Variants in ITPR3 observed in about 807,000 individuals in gnomAD.
ITPR3 encodes the protein inositol 1,4,5-trisphosphate-gated calcium channel ITPR3.
ITPR3 carries 173 observed loss-of-function variants against 293.2 expected under a neutral mutation model. That is an observed-to-expected ratio of 0.59 (90% CI 0.52 to 0.67). The LOEUF (loss-of-function observed/expected upper bound fraction) is 0.67, where lower values mean the gene tolerates loss of function less well. Ranked by LOEUF, ITPR3 falls within the 30% of genes least tolerant of loss-of-function variation. The pLI is 0.00. For synonymous variants in ITPR3, 1,295 were observed against 1,444.4 expected (o/e 0.90, Z 2.35); for missense variants, 2,796 against 3,592.1 (o/e 0.78, Z 5.66).
At position 33,624,216 on chromosome 6, in the gene ITPR3, A is replaced by T. The variant is rs1372054809; in HGVS notation, c.89+2525A>T. 6.6e-6 allele frequency among the ~76,000 whole-genome samples: 1 copy of T among 152,174 alleles called. No homozygotes were observed. Among genetic ancestry groups the T allele is most frequent in the Non-Finnish European group, 1.5e-5 (1 of 68,030 alleles). On this transcript the variant is annotated intron_variant, in intron 1 of 57. Coordinates refer to ENST00000605930, the MANE Select transcript of ITPR3 (RefSeq NM_002224.4). This position sits in a 1 kb window ranked among gnomAD's most constrained non-coding sequence, Gnocchi z 4.7. ...TACAAACCACTCTCTGGTGTTCCTC[A>T]CATTGGAGGCTTCCCTGTAGGCCCA...
intron 1 of ITPR3, among the ~76,000 whole-genome samples, chr6:33,631,056 C>T (rs1032242026): frequency 6.6e-6 from 1 of 152,210 alleles, no homozygotes; most frequent in African/African-American, 2.4e-5. Flanking sequence ...GCCCCCCAGG[C>T]TTCCCACCCA....
At chr6:33,686,902 G>A in intron 43 of ITPR3, 107 bp from the exon 44 acceptor site, 1 of 896,216 alleles carries the variant, frequency 1.1e-6, no homozygotes, top group Non-Finnish European at 1.8e-6. Context: ...CATGGCACCT[G>A]ACCTTTTGTT....
rs1765394279 is a variant in ITPR3 at position 33,691,658 on chromosome 6, C to T, written c.7269C>T (p.Asp2423=). 3 of 1,613,874 alleles carry T rather than the reference C, an allele frequency of 1.9e-6. No individual in the cohort carries two copies. The highest frequency in any genetic ancestry group is 3.3e-5 in the Admixed American group (2 of 59,990). ...GMPHGAAAFV[D]TCSGDKMDCV... Reference sequence around the variant, plus strand: ...CACATGGAGCTGCTGCATTTGTGGACACCTGCAGTGGGGACAAGATGGACT... The same window carrying T: ...CACATGGAGCTGCTGCATTTGTGGATACCTGCAGTGGGGACAAGATGGACT... Residue 2423 remains aspartate, a synonymous_variant, in exon 53 of 58, where the codon GAC becomes GAT. Transcript: ENST00000605930. This position sits in a 1 kb window ranked among gnomAD's most constrained non-coding sequence, Gnocchi z 4.9.
In ITPR3 at chr6:33,675,622, C is replaced by T. The variant is rs1764883845; in HGVS notation, c.3117-69C>T. On this transcript the variant is annotated intron_variant, in intron 24 of 57. Coordinates refer to ENST00000605930, the MANE Select transcript of ITPR3 (RefSeq NM_002224.4). The surrounding 1 kb of genome is among the most constrained non-coding windows in gnomAD (Gnocchi z 5.0). The stretch of plus-strand genomic sequence containing the variant: ...CGGAGAGTGTGCTTGTGCCAGGGCC[C>T]CTTACCCACCACGGACAGCAGGGAG... 2 of 1,503,498 alleles carry T rather than the reference C, an allele frequency of 1.3e-6. No individual in the cohort carries two copies. Among genetic ancestry groups the T allele is most frequent in the African/African-American group, 2.8e-5 (2 of 71,672 alleles). The allele number at this position is 1,503,498 out of a possible 1,614,324, so 93.1% of individuals were successfully genotyped here.
intron 2 of ITPR3, among the ~76,000 whole-genome samples, chr6:33,641,813 T>C (rs1016018798): frequency 1.5e-4 from 23 of 152,170 alleles, no homozygotes; most frequent in Non-Finnish European, 3.1e-4. Flanking sequence ...GCAGCCCAGA[T>C]GCTCAGCAGC....
rs549685223 is a variant in ITPR3 at position 33,642,849 on chromosome 6, C to T, written c.160+2295C>T. Among the ~76,000 whole-genome samples, 11 of 152,310 alleles carry T rather than the reference C, an allele frequency of 7.2e-5. No individual in the cohort carries two copies. The East Asian group carries it at 2.1e-3, about 29-fold the overall frequency. ...ATCTCCTTCCCCCTCTTCTCTGCCC[C>T]AGCTCCTGGTTCCTTGATGTCTTGG... On this transcript the variant is annotated intron_variant, in intron 2 of 57. Transcript: ENST00000605930.
At position 33,695,774 on chromosome 6, in the gene ITPR3, C is replaced by T. The variant is rs1307256829; in HGVS notation, c.8010C>T (p.Ser2670=). 6.2e-7 allele frequency: 1 copy of T among 1,613,936 alleles called. No individual in the cohort carries two copies. The highest frequency in any genetic ancestry group is 1.7e-5 in the Admixed American group (1 of 60,012). Residue 2670 remains serine (S), a synonymous_variant, in exon 58 of 58, where the codon AGC becomes AGT. Coordinates refer to ENST00000605930, the MANE Select transcript of ITPR3 (RefSeq NM_002224.4). ...LGFVDVQNCI[S]R is the part of the protein sequence containing the mutation. ...TTGTGGATGTCCAGAACTGCATTAG[C>T]CGCTGAGGAGAGCCACCGAAGGCCC...
At chr6:33,653,407 G>A (rs933306389) in intron 2 of ITPR3, among the ~76,000 whole-genome samples, 1 of 151,710 alleles carries the variant, frequency 6.6e-6, no homozygotes, top group Non-Finnish European at 1.5e-5. Context: ...GAGCCACTGC[G>A]CCCAGCCCAC....
chr6:33,661,111 C>T (rs1262182588), intron 7 of ITPR3, among the ~76,000 whole-genome samples: 2 of 152,234 alleles, frequency 1.3e-5, no homozygotes, highest in Non-Finnish European at 2.9e-5. Flanking sequence ...CTGCCCTGCG[C>T]TACTGGGGCA....
intron 7 of ITPR3, 44 bp downstream of exon 7, chr6:33,659,593 C>T: frequency 6.5e-7 from 1 of 1,537,622 alleles, no homozygotes; most frequent in Non-Finnish European, 9.0e-7. Flanking sequence ...GCCACCTAGC[C>T]CTCCCCACCA....
chr6:33,688,929 G>T, intron 49 of ITPR3, 148 bp downstream of exon 49: 1 of 1,135,576 alleles, frequency 8.8e-7, no homozygotes. Flanking sequence ...GTGGGCTCTC[G>T]CCCCATCATG....
Position 33,689,347 on chromosome 6 carries a change from C to T in ITPR3, c.6804C>T (p.Leu2268=), listed in dbSNP as rs1475851005. ...RYSIRPLIVA[L]ILRSIYYLGI... ...GCATCCGCCCCCTCATCGTGGCGCT[C>T]ATCCTGCGCTCCATCTACTATCTGG... Residue 2268 remains leucine (L), a synonymous_variant, in exon 50 of 58, where the codon CTC becomes CTT. Coordinates refer to ENST00000605930, the MANE Select transcript of ITPR3 (RefSeq NM_002224.4). The T allele has an allele frequency of 6.2e-7, 1 of 1,612,632 alleles. No individual in the cohort carries two copies. Among genetic ancestry groups the T allele is most frequent in the Admixed American group, 1.7e-5 (1 of 60,030 alleles).
chr6:33,689,321 A>G lies in ITPR3; in HGVS notation c.6778A>G (p.Ser2260Gly), dbSNP rs978832342. ...SIAALFTKRY[S>G]IRPLIVALIL... is the part of the protein sequence containing the mutation. The stretch of plus-strand genomic sequence containing the variant: ...CGCGGCCCTGTTCACCAAGCGCTAC[A>G]GCATCCGCCCCCTCATCGTGGCGCT... The change falls in exon 50 of 58, where the codon AGC becomes GGC. Residue 2260 changes from serine to glycine, a missense_variant. Ser to Gly is a moderately conservative substitution (Grantham distance 56). Coordinates refer to ENST00000605930, the MANE Select transcript of ITPR3 (RefSeq NM_002224.4). 2.5e-6 allele frequency: 4 copies of G among 1,612,890 alleles called. No individual in the cohort carries two copies. The highest frequency in any genetic ancestry group is 1.7e-5 in the Admixed American group (1 of 60,032).
chr6:33,685,654 T>G lies in ITPR3; in HGVS notation c.5494T>G (p.Ser1832Ala), dbSNP rs759538163. ...GGTCTCGCCCACAGGCCGCGTGGCCTCCTTCTCGATACCTGGCTCCTCATC... is the reference window on the plus strand; with the variant it reads ...GGTCTCGCCCACAGGCCGCGTGGCCGCCTTCTCGATACCTGGCTCCTCATC... The part of the protein sequence containing the change: ...VDPTTKGRVA[S>A]FSIPGSSSRY... Residue 1832 changes from serine to alanine, a missense_variant, in exon 41 of 58, where the codon TCC becomes GCC. Physicochemically the swap from Ser to Ala is moderately conservative, Grantham distance 99 (BLOSUM62 1). Transcript: ENST00000605930. The G allele has an allele frequency of 1.1e-5, 18 of 1,585,468 alleles. No homozygotes were observed. Among genetic ancestry groups the G allele is most frequent in the Non-Finnish European group, 1.3e-5 (15 of 1,162,560 alleles).
chr6:33,682,469 G>C lies in ITPR3; in HGVS notation c.4477-55G>C. 1 of 1,466,316 alleles carries C rather than the reference G, an allele frequency of 6.8e-7. No homozygotes were observed. Among genetic ancestry groups the C allele is most frequent in the Non-Finnish European group, 9.0e-7 (1 of 1,110,168 alleles). 90.8% of individuals were successfully genotyped at this position (1,466,316 alleles called of 1,614,324 possible). On this transcript the variant is annotated intron_variant, in intron 33 of 57. Transcript: ENST00000605930. This position sits in a 1 kb window ranked among gnomAD's most constrained non-coding sequence, Gnocchi z 5.4. ...ATTGGGCCCTGGTTCCTGGACCTGG[G>C]GTTGCCCAGGGTGGGGGCCTGGGCT...
chr6:33,642,628 C>G (rs1763976423), intron 2 of ITPR3, among the ~76,000 whole-genome samples: 1 of 152,088 alleles, frequency 6.6e-6, no homozygotes, highest in South Asian at 2.1e-4. Flanking sequence ...AACAAATGCG[C>G]CTTTGACTTC....
rs201475796 is a variant in ITPR3 at position 33,665,122 on chromosome 6, C to T, written c.1318C>T (p.Arg440Ter). The change falls in exon 13 of 58, where the codon CGA (arginine) becomes TGA (stop). Residue 440 changes from arginine (R) to a stop codon, truncating the protein, a stop_gained. Coordinates refer to ENST00000605930, the MANE Select transcript of ITPR3 (RefSeq NM_002224.4). LOFTEE classifies it high-confidence loss of function. ...AIVSVPVSEI[R>*]DLDFANDASS... Reference sequence around the variant, plus strand: ...CGTGTCAGTGCCCGTGTCTGAGATCCGAGACCTGGACTTTGCCAATGACGC... The same window carrying T: ...CGTGTCAGTGCCCGTGTCTGAGATCTGAGACCTGGACTTTGCCAATGACGC... 4 of 1,614,170 alleles carry T rather than the reference C, an allele frequency of 2.5e-6. No individual in the cohort carries two copies. The highest frequency in any genetic ancestry group is 1.1e-5 in the South Asian group (1 of 91,092).
chr6:33,671,007 A>G (rs1409102938), intron 20 of ITPR3, 158 bp from the exon 21 acceptor site: 1 of 840,890 alleles, frequency 1.2e-6, no homozygotes, highest in Non-Finnish European at 1.4e-6. Flanking sequence ...AATGCCTGGG[A>G]AAGGGCTGCC....
At position 33,674,060 on chromosome 6, in the gene ITPR3, C is replaced by G. The variant is rs1031178466; in HGVS notation, c.3059-148C>G. On this transcript the variant is annotated intron_variant, in intron 23 of 57. Transcript: ENST00000605930. ...GGGGAGTAGGGGGCTGTGGCTCCTC[C>G]CCTACTTGGTTCCTTCCCAGAAAGG... 15 of 971,410 alleles carry G rather than the reference C, an allele frequency of 1.5e-5. No homozygotes were observed. In the African/African-American group the frequency reaches 2.4e-4, roughly 16 times the overall value. 60.2% of individuals were successfully genotyped at this position (971,410 alleles called of 1,614,324 possible). A position where few individuals can be genotyped will look rare whatever the true frequency, so the allele number is the denominator to read the frequency against.
Sources: allele counts gnomAD v4.1 joint callset (sites outside exome capture counted in the v4.1 genomes callset), GRCh38; gene constraint gnomAD v4.1.1; non-coding constraint Gnocchi (gnomAD v3.1); transcripts MANE v1.5; gene names NCBI Gene and HGNC (gene_info 2026-07-23, HGNC 2026-07-21).